Variants in KIAA0825 observed in about 807,000 individuals in gnomAD.
KIAA0825 encodes KIAA0825, also known as uncharacterized protein KIAA0825.
KIAA0825 carries 119 observed loss-of-function variants against 147.6 expected under a neutral mutation model. The ratio of observed to expected loss-of-function variants is 0.81; its 90% CI spans 0.69 to 0.94. KIAA0825 has a LOEUF of 0.94. Among genes scored for constraint, KIAA0825 ranks in the 40% least tolerant of loss-of-function variants. The pLI, the probability that KIAA0825 is intolerant of heterozygous loss-of-function variation, is 0.00. For missense variants in KIAA0825, 1,381 were observed against 1,472.7 expected, an observed-to-expected ratio of 0.94 and a Z score of 1.02; for synonymous variants, 470 against 518.1, an observed-to-expected ratio of 0.91 and a Z score of 1.26.
At position 94,595,884 on chromosome 5, in the gene KIAA0825, G is replaced by A. The variant is rs929133369; in HGVS notation, c.-152-13301C>T. ...GTTCAAAGTTCAACAAATCTCCAGG[G>A]CAGGGGCAAAATGCCACCAATCTCT... On this transcript the variant is annotated intron_variant, in intron 1 of 20. Transcript: ENST00000682413. Among the ~76,000 whole-genome samples the A allele has an allele frequency of 3.3e-5, 5 of 152,188 alleles. No homozygotes were observed. The East Asian group carries it at 9.7e-4, about 29-fold the overall frequency.
chr5:94,554,814 A>AATT (rs767984923), intron 2 of KIAA0825, among the ~76,000 whole-genome samples: 14 of 144,472 alleles, frequency 9.7e-5, no homozygotes, highest in Non-Finnish European at 1.7e-4. Flanking sequence ...AATCTTATTA[A>AATT]AGATATGGAA....
chr5:94,177,189 A>G lies in KIAA0825; in HGVS notation c.3711-23065T>C, dbSNP rs142277954. On this transcript the variant is annotated intron_variant, in intron 20 of 20. Transcript: ENST00000682413. ...TTTAAAATCTAGAAAAATGTCACCA[A>G]TCAAATATTATAAAGAAAAATGTTA... is the stretch of plus-strand genomic sequence containing the variant. 1.9e-3 allele frequency among the ~76,000 whole-genome samples: 295 copies of G among 152,012 alleles called. 3 individuals are homozygous for G. In the East Asian group the frequency reaches 0.035, roughly 18 times the overall value.
At chr5:94,412,347 T>C (rs1372388031) in intron 15 of KIAA0825, among the ~76,000 whole-genome samples, 3 of 152,176 alleles carry the variant, frequency 2.0e-5, no homozygotes, top group African/African-American at 7.2e-5. Context: ...TTTTCACACA[T>C]CATTGGCCAA....
At chr5:94,464,216 C>T (rs1049337409) in intron 11 of KIAA0825, among the ~76,000 whole-genome samples, 8 of 151,918 alleles carry the variant, frequency 5.3e-5, no homozygotes, top group African/African-American at 1.9e-4. Context: ...CATACAAGAC[C>T]ACTGTAGTCA....
At chr5:94,290,919 C>A (rs1777860119) in intron 20 of KIAA0825, among the ~76,000 whole-genome samples, 1 of 152,174 alleles carries the variant, frequency 6.6e-6, no homozygotes, top group South Asian at 2.1e-4. Context: ...TTCTTGGCCA[C>A]ATGAATGTCT....
In KIAA0825 at chr5:94,372,552, C is replaced by T. The variant is rs989069912; in HGVS notation, c.3710+11816G>A. 4.6e-5 allele frequency among the ~76,000 whole-genome samples: 7 copies of T among 152,322 alleles called. No homozygotes were observed. The South Asian group carries it at 1.2e-3, about 27-fold the overall frequency. On this transcript the variant is annotated intron_variant, in intron 20 of 20. Coordinates refer to ENST00000682413, the MANE Select transcript of KIAA0825 (RefSeq NM_001145678.3). ...CAATGGCCTGAGCTGTACCTTGGCC[C>T]CTTTTATCCAAGGCTGGAGCTGAAG...
intron 2 of KIAA0825, among the ~76,000 whole-genome samples, chr5:94,563,157 C>T (rs1404812834): frequency 1.3e-5 from 2 of 150,264 alleles, no homozygotes; most frequent in African/African-American, 4.9e-5. Context: ...CTGGCTAACA[C>T]GGTGAAACCC....
chr5:94,567,354 G>C (rs925378202), intron 2 of KIAA0825: 27 of 152,034 alleles, frequency 1.8e-4, no homozygotes, highest in African/African-American at 6.5e-4. Flanking sequence ...AAAATTTAGA[G>C]GTCATTTTTA....
intron 20 of KIAA0825, among the ~76,000 whole-genome samples, chr5:94,194,375 T>G (rs746535350): frequency 6.6e-6 from 1 of 152,112 alleles, no homozygotes; most frequent in Non-Finnish European, 1.5e-5. Context: ...GGGTATGCTT[T>G]CTCCCCTCTC....
chr5:94,178,462 C>T (rs980213650), intron 20 of KIAA0825, among the ~76,000 whole-genome samples: 1 of 151,734 alleles, frequency 6.6e-6, no homozygotes, highest in Non-Finnish European at 1.5e-5. Context: ...AGAAGGAAGT[C>T]TCCTTCTTCA....
At chr5:94,600,925 C>G (rs149914054) in intron 1 of KIAA0825, among the ~76,000 whole-genome samples, 1,825 of 152,276 alleles carry the variant, frequency 0.012, 34 homozygotes, top group African/African-American at 0.041. Context: ...TGAAAATTTC[C>G]TGGGAAAGAG....
At chr5:94,544,166 G>A (rs1379970417) in intron 2 of KIAA0825, among the ~76,000 whole-genome samples, 1 of 152,158 alleles carries the variant, frequency 6.6e-6, no homozygotes, top group Non-Finnish European at 1.5e-5. Context: ...TTCTCACTGT[G>A]GATTAGTTCT....
chr5:94,613,466 T>C (rs1325447118), intron 1 of KIAA0825, among the ~76,000 whole-genome samples: 1 of 152,252 alleles, frequency 6.6e-6, no homozygotes, highest in Non-Finnish European at 1.5e-5. Context: ...CCCAAAGTGC[T>C]GGGATTACAG....
At chr5:94,344,557 TAACCCAA>T (rs1782782504) in intron 20 of KIAA0825, among the ~76,000 whole-genome samples, 2 of 152,180 alleles carry the variant, frequency 1.3e-5, no homozygotes. Context: ...TCTAGGTATA[TAACCCAA>T]ACGACTGAGA....
chr5:94,436,494 AC>A (rs1756392104), intron 14 of KIAA0825, among the ~76,000 whole-genome samples: 1 of 152,122 alleles, frequency 6.6e-6, no homozygotes, highest in Non-Finnish European at 1.5e-5. Flanking sequence ...CTGTTCTTAT[AC>A]CAGTACCATG....
At chr5:94,328,684 A>G (rs1018313442) in intron 20 of KIAA0825, among the ~76,000 whole-genome samples, 1 of 152,084 alleles carries the variant, frequency 6.6e-6, no homozygotes, top group Non-Finnish European at 1.5e-5. Context: ...GAGGAAAATA[A>G]TGGCATTTAG....
intron 5 of KIAA0825, among the ~76,000 whole-genome samples, chr5:94,507,644 G>T (rs1765914365): frequency 6.6e-6 from 1 of 151,568 alleles, no homozygotes; most frequent in South Asian, 2.1e-4. Flanking sequence ...AATTTTATTT[G>T]TGGTTTATGG....
At chr5:94,202,676 C>T (rs1250524592) in intron 20 of KIAA0825, among the ~76,000 whole-genome samples, 2 of 152,168 alleles carry the variant, frequency 1.3e-5, no homozygotes, top group African/African-American at 2.4e-5. Context: ...TTACTGCACC[C>T]AGTGACCCAG....
intron 20 of KIAA0825, among the ~76,000 whole-genome samples, chr5:94,336,121 G>A (rs1342638051): frequency 1.3e-5 from 2 of 152,080 alleles, no homozygotes; most frequent in Non-Finnish European, 2.9e-5. Context: ...TGTAATCTGA[G>A]CACTTAGGGA....
Sources: allele counts gnomAD v4.1 joint callset (sites outside exome capture counted in the v4.1 genomes callset), GRCh38; gene constraint gnomAD v4.1.1; transcripts MANE v1.5; gene names NCBI Gene and HGNC (gene_info 2026-07-23, HGNC 2026-07-21).